LYPD6B: variants seen among roughly 807,000 people sequenced by gnomAD.
The protein encoded by LYPD6B is LY6/PLAUR domain containing 6B.
In LYPD6B, 17 loss-of-function variants were observed where a neutral mutation model predicts 22.8. The ratio of observed to expected loss-of-function variants is 0.75; its 90% confidence interval spans 0.51 to 1.12. The LOEUF is 1.12. LYPD6B is among the 50% of genes most tolerant of loss of function. The pLI is 0.00. For missense variants in LYPD6B, 221 were observed against 258.3 expected (o/e 0.86, Z 0.99); for synonymous variants, 106 against 91.6 (o/e 1.16, Z -0.90).
chr2:149,133,771 G>A (rs1688176350), intron 2 of LYPD6B, among the ~76,000 whole-genome samples: 1 of 152,158 alleles, frequency 6.6e-6, no homozygotes, highest in Non-Finnish European at 1.5e-5. Context: ...GTACTTCAGT[G>A]TCAGTATGGA....
At chr2:149,112,990 GAGA>G (rs1236160301) in intron 1 of LYPD6B, among the ~76,000 whole-genome samples, 1 of 152,190 alleles carries the variant, frequency 6.6e-6, no homozygotes, top group East Asian at 1.9e-4. Flanking sequence ...TGTTGAACAG[GAGA>G]AGAAGGCAGA....
chr2:149,084,101 A>AAAT lies in LYPD6B; in HGVS notation c.-67+45303_-67+45305dup, dbSNP rs928681295. ...GCGACAGAGCGAGACTCCATCTCAAAAATAAAATAAAATAAAATAAAACAC... is the reference window on the plus strand; with the variant it reads ...GCGACAGAGCGAGACTCCATCTCAAAAATAATAAAATAAAATAAAATAAAACAC... On this transcript the variant is annotated intron_variant, in intron 1 of 6. Transcript: ENST00000409642. 1.8e-4 allele frequency among the ~76,000 whole-genome samples: 28 copies of AAAT among 151,888 alleles called. No homozygotes were observed. The East Asian group carries it at 2.3e-3, about 13-fold the overall frequency.
intron 1 of LYPD6B, among the ~76,000 whole-genome samples, chr2:149,066,690 A>G (rs967814722): frequency 1.1e-4 from 16 of 152,068 alleles, no homozygotes; most frequent in Non-Finnish European, 8.8e-5. Flanking sequence ...TGTATATGGC[A>G]TAACATACTC....
At chr2:149,064,120 C>T (rs556358405) in intron 1 of LYPD6B, among the ~76,000 whole-genome samples, 3 of 152,282 alleles carry the variant, frequency 2.0e-5, no homozygotes, top group African/African-American at 7.2e-5. Context: ...TTGTAACCAG[C>T]TTTTCTGATA....
intron 2 of LYPD6B, among the ~76,000 whole-genome samples, chr2:149,151,164 C>A (rs191347215): frequency 2.0e-3 from 300 of 152,158 alleles, no homozygotes; most frequent in African/African-American, 6.9e-3. Flanking sequence ...GCTGAAAGTT[C>A]AGTATGAATG....
chr2:149,076,168 C>A (rs1007242630), intron 1 of LYPD6B, among the ~76,000 whole-genome samples: 3 of 152,124 alleles, frequency 2.0e-5, no homozygotes, highest in African/African-American at 7.2e-5. Flanking sequence ...TTAATAGCTA[C>A]CAGAGTAGCA....
chr2:149,057,301 A>G (rs1259190401), intron 1 of LYPD6B, among the ~76,000 whole-genome samples: 1 of 152,154 alleles, frequency 6.6e-6, no homozygotes, highest in Non-Finnish European at 1.5e-5. Context: ...GCTACAAAAG[A>G]AAATGAATTG....
At chr2:149,095,544 A>T (rs1408348455) in intron 1 of LYPD6B, among the ~76,000 whole-genome samples, 2 of 152,210 alleles carry the variant, frequency 1.3e-5, no homozygotes, top group Non-Finnish European at 2.9e-5. Context: ...ACTCTTAGCT[A>T]ATCTAGTTAA....
Position 149,160,256 on chromosome 2 carries a change from A to G in LYPD6B, c.6-508A>G, listed in dbSNP as rs184913844. 3.0e-4 allele frequency among the ~76,000 whole-genome samples: 46 copies of G among 152,328 alleles called. 2 individuals carry two copies. The highest frequency in any genetic ancestry group is 1.1e-3 in the African/African-American group (45 of 41,574). ...TTGAATGCATATAGGGAAACATTCC[A>G]GTTCCCTCCCACCTCCTCATCTGGG... is the stretch of plus-strand genomic sequence containing the variant. On this transcript the variant is annotated intron_variant, in intron 2 of 6. Coordinates refer to ENST00000409642, the MANE Select transcript of LYPD6B (RefSeq NM_177964.5).
intron 1 of LYPD6B, among the ~76,000 whole-genome samples, chr2:149,056,321 G>A (rs1314624750): frequency 6.6e-6 from 1 of 152,126 alleles, no homozygotes; most frequent in Non-Finnish European, 1.5e-5. Flanking sequence ...TGTCCCCAGG[G>A]TGCTCATGGA....
chr2:149,129,163 G>T (rs1244889026), intron 1 of LYPD6B, among the ~76,000 whole-genome samples: 2 of 152,176 alleles, frequency 1.3e-5, no homozygotes, highest in Non-Finnish European at 2.9e-5. Flanking sequence ...CTGGTTATCT[G>T]CCAGGGACAT....
At chr2:149,055,103 G>C (rs1683730137) in intron 1 of LYPD6B, among the ~76,000 whole-genome samples, 1 of 152,112 alleles carries the variant, frequency 6.6e-6, no homozygotes, top group East Asian at 1.9e-4. Flanking sequence ...TTATTCTGTT[G>C]CATGTGGCTT....
At chr2:149,123,591 A>C (rs1354142829) in intron 1 of LYPD6B, among the ~76,000 whole-genome samples, 1 of 152,162 alleles carries the variant, frequency 6.6e-6, no homozygotes, top group Non-Finnish European at 1.5e-5. Flanking sequence ...CAATTTAAAA[A>C]TGCTGTACAC....
chr2:149,149,362 TTC>T (rs1689224379), intron 2 of LYPD6B, among the ~76,000 whole-genome samples: 1 of 152,144 alleles, frequency 6.6e-6, no homozygotes, highest in Non-Finnish European at 1.5e-5. Context: ...TATGCTATTT[TTC>T]TTTCATTCAT....
Position 149,120,388 on chromosome 2 carries a change from T to TTTTA in LYPD6B, c.-66-10492_-66-10491insATTT, listed in dbSNP as rs1455323005. On this transcript the variant is annotated intron_variant, in intron 1 of 6. Coordinates refer to ENST00000409642, the MANE Select transcript of LYPD6B (RefSeq NM_177964.5). Reference sequence around the variant, plus strand: ...ATATATATATATATATATATATTTTTTTTTTTTTTTTTTTGAGATGGAGTC... The same window carrying TTTTA: ...ATATATATATATATATATATATTTTTTTTATTTTTTTTTTTTTTGAGATGGAGTC... Among the ~76,000 whole-genome samples, 6 of 87,232 alleles carry TTTTA rather than the reference T, an allele frequency of 6.9e-5. No homozygotes were observed. The South Asian group carries it at 2.5e-3, about 36-fold the overall frequency. The allele number at this position is 87,232 out of a possible 152,430, so 57.2% of individuals were successfully genotyped here.
chr2:149,047,005 T>C (rs776589744), intron 1 of LYPD6B, among the ~76,000 whole-genome samples: 1 of 152,226 alleles, frequency 6.6e-6, no homozygotes, highest in African/African-American at 2.4e-5. Context: ...CTTAGTTCAT[T>C]GGTTATGCTA....
intron 3 of LYPD6B, among the ~76,000 whole-genome samples, chr2:149,178,581 C>T (rs1559056543): frequency 6.6e-6 from 1 of 152,312 alleles, no homozygotes; most frequent in East Asian, 1.9e-4. Flanking sequence ...CCATCAACTT[C>T]AGACACTGGC....
At chr2:149,067,921 C>A (rs1004934748) in intron 1 of LYPD6B, among the ~76,000 whole-genome samples, 1 of 152,084 alleles carries the variant, frequency 6.6e-6, no homozygotes, top group Non-Finnish European at 1.5e-5. Context: ...TGGAAGAATG[C>A]GTGACCACCC....
chr2:149,055,715 G>A (rs1027308932), intron 1 of LYPD6B, among the ~76,000 whole-genome samples: 3 of 152,050 alleles, frequency 2.0e-5, no homozygotes, highest in East Asian at 1.9e-4. Context: ...CTTGTGTTTC[G>A]ATCTTGTATC....
Sources: allele counts gnomAD v4.1 joint callset (sites outside exome capture counted in the v4.1 genomes callset), GRCh38; gene constraint gnomAD v4.1.1; transcripts MANE v1.5; gene names NCBI Gene and HGNC (gene_info 2026-07-23, HGNC 2026-07-21).